ZNF787: variants seen among roughly 807,000 people sequenced by gnomAD.
The protein encoded by ZNF787 is TTF-I-interacting peptide 20.
A neutral mutation model predicts 16.9 loss-of-function variants in ZNF787; 7 were observed. The observed-to-expected ratio is 0.42, with a 90% CI of 0.24 to 0.78. ZNF787 has a LOEUF of 0.78. Ranked by LOEUF, ZNF787 falls within the 30% of genes least tolerant of loss-of-function variation. The pLI, the probability that ZNF787 is intolerant of heterozygous loss-of-function variation, is 0.30. For synonymous variants in ZNF787, 345 were observed against 270.9 expected (o/e 1.27, Z -2.69); for missense variants, 551 against 589.3 (o/e 0.94, Z 0.67).
Position 56,087,788 on chromosome 19 carries a change from T to G in ZNF787, c.*235A>C, listed in dbSNP as rs922691576. 3.4e-6 allele frequency: 2 copies of G among 591,540 alleles called. No homozygotes were observed. Among genetic ancestry groups the G allele is most frequent in the Admixed American group, 4.8e-5 (1 of 20,932 alleles). 36.6% of individuals were successfully genotyped at this position (591,540 alleles called of 1,614,324 possible). A position where few individuals can be genotyped will look rare whatever the true frequency, so the allele number is the denominator to read the frequency against. On this transcript the variant is annotated 3_prime_UTR_variant, in exon 3 of 3. Transcript: ENST00000610935. ...CTCTCCGGCTCGCAGGCCGATAACT[T>G]AGGAAGGGCGGGCCAGGCTGAGGGG...
At chr19:56,103,310 GACCCC>G in intron 1 of ZNF787, 83 bp from the exon 2 acceptor site, 1 of 1,268,022 alleles carries the variant, frequency 7.9e-7, no homozygotes, top group Non-Finnish European at 1.1e-6. Context: ...GCAGCCTGCA[GACCCC>G]GGCGTGACAG....
intron 1 of ZNF787, among the ~76,000 whole-genome samples, chr19:56,117,714 C>T (rs375146424): frequency 2.0e-5 from 3 of 152,236 alleles, no homozygotes; most frequent in Non-Finnish European, 4.4e-5. Flanking sequence ...TTCACCTCTG[C>T]GACACCTACT....
intron 1 of ZNF787, among the ~76,000 whole-genome samples, chr19:56,116,822 CT>C (rs2030151203): frequency 6.6e-6 from 1 of 152,202 alleles, no homozygotes. Context: ...TCAACAGCAC[CT>C]CCCCCAGGAA....
chr19:56,102,618 A>C, intron 2 of ZNF787: 3 of 477,422 alleles, frequency 6.3e-6, no homozygotes, highest in South Asian at 4.3e-5. Context: ...TAAAAACCCA[A>C]ACTGACAACT....
chr19:56,117,889 A>G (rs687359), intron 1 of ZNF787, among the ~76,000 whole-genome samples: 151,410 of 152,348 alleles, frequency 0.99, 75,244 homozygotes, highest in Middle Eastern at 1. Flanking sequence ...CTGGGTCCCA[A>G]CACTATCCAC....
At chr19:56,113,626 G>A (rs1047005194) in intron 1 of ZNF787, among the ~76,000 whole-genome samples, 6 of 152,040 alleles carry the variant, frequency 3.9e-5, no homozygotes, top group Non-Finnish European at 7.3e-5. Context: ...CTATTTATGC[G>A]CCTGCCCACA....
Position 56,103,195 on chromosome 19 carries a change from C to T in ZNF787, c.23G>A (p.Trp8Ter). ...CTCAGAATCCAGCGGCCCCGGAGACCAGGCTTCTTCCCGCAGCTCCATGTC... is the reference window on the plus strand; with the variant it reads ...CTCAGAATCCAGCGGCCCCGGAGACTAGGCTTCTTCCCGCAGCTCCATGTC... MELREEA[W>*]SPGPLDSEDQ... The change falls in exon 2 of 3, where the codon TGG becomes TAG. Residue 8 changes from tryptophan to a stop codon, truncating the protein, a stop_gained. Transcript: ENST00000610935. LOFTEE classifies it high-confidence loss of function. The T allele has an allele frequency of 6.4e-7, 1 of 1,567,158 alleles. No individual in the cohort carries two copies. Among genetic ancestry groups the T allele is most frequent in the Non-Finnish European group, 8.6e-7 (1 of 1,156,356 alleles).
chr19:56,119,237 G>C (rs2030219580), intron 1 of ZNF787, among the ~76,000 whole-genome samples: 1 of 152,240 alleles, frequency 6.6e-6, no homozygotes. Context: ...CCAAGACCAT[G>C]TGTGACCTCA....
At chr19:56,096,806 C>A (rs1985891868) in intron 2 of ZNF787, among the ~76,000 whole-genome samples, 1 of 152,184 alleles carries the variant, frequency 6.6e-6, no homozygotes, top group Non-Finnish European at 1.5e-5. Flanking sequence ...CCGAGGGCAG[C>A]CAGAACTCCA....
At position 56,090,914 on chromosome 19, in the gene ZNF787, AG is replaced by A. The variant is rs530110931; in HGVS notation, c.80-1823del. Among the ~76,000 whole-genome samples, 414 of 152,358 alleles carry A rather than the reference AG, an allele frequency of 2.7e-3. 7 individuals carry two copies. Among genetic ancestry groups the A allele is most frequent in the Non-Finnish European group, 3.6e-3 (243 of 68,028 alleles). On this transcript the variant is annotated intron_variant, in intron 2 of 2. Coordinates refer to ENST00000610935, the MANE Select transcript of ZNF787 (RefSeq NM_001002836.4). The stretch of plus-strand genomic sequence containing the variant: ...GGGCCTGTGCTTCAGCAAGCCCCCC[AG>A]GTGATTCTGATGCCAGCTCCAGTGT...
intron 1 of ZNF787, chr19:56,103,540 C>T (rs1196369299): frequency 5.5e-6 from 2 of 360,736 alleles, no homozygotes; most frequent in African/African-American, 2.1e-5. Flanking sequence ...CCCCACCTCG[C>T]GCCTCCTCGC....
chr19:56,090,678 C>T (rs1411983314), intron 2 of ZNF787, among the ~76,000 whole-genome samples: 7 of 152,160 alleles, frequency 4.6e-5, no homozygotes, highest in African/African-American at 1.2e-4. Flanking sequence ...AAAAATTAGC[C>T]GGGCGTGGTG....
At chr19:56,090,257 A>G (rs1438509351) in intron 2 of ZNF787, among the ~76,000 whole-genome samples, 2 of 152,232 alleles carry the variant, frequency 1.3e-5, no homozygotes, top group African/African-American at 4.8e-5. Flanking sequence ...TCAGGTCCTC[A>G]TAAGCTGGGA....
In ZNF787 at chr19:56,118,314, G is replaced by A. The variant is rs540944227; in HGVS notation, c.-11+2858C>T. 1.7e-4 allele frequency among the ~76,000 whole-genome samples: 26 copies of A among 152,258 alleles called. No homozygotes were observed. The South Asian group carries it at 5.4e-3, about 32-fold the overall frequency. ...TGCTGGGGTTCCCCTGAACCAGCCA[G>A]CAGCCCTGCGTGTAGGAGTCCTCGT... On this transcript the variant is annotated intron_variant, in intron 1 of 2. Coordinates refer to ENST00000610935, the MANE Select transcript of ZNF787 (RefSeq NM_001002836.4).
In ZNF787 at chr19:56,101,258, G is replaced by A. The variant is rs190649219; in HGVS notation, c.79+1881C>T. Reference sequence around the variant, plus strand: ...AGGCGGGACCCCACACGGGAGTTACGCGAACGCCGGACACCAGAGCAGCTT... The same window carrying A: ...AGGCGGGACCCCACACGGGAGTTACACGAACGCCGGACACCAGAGCAGCTT... On this transcript the variant is annotated intron_variant, in intron 2 of 2. Transcript: ENST00000610935. Among the ~76,000 whole-genome samples, 115 of 152,318 alleles carry A rather than the reference G, an allele frequency of 7.5e-4. No homozygotes were observed. In the East Asian group the frequency reaches 0.011, roughly 14 times the overall value.
At chr19:56,094,575 C>T (rs776153989) in intron 2 of ZNF787, among the ~76,000 whole-genome samples, 2 of 151,606 alleles carry the variant, frequency 1.3e-5, no homozygotes, top group Non-Finnish European at 2.9e-5. Flanking sequence ...AGTCTTCATT[C>T]TGAAAGGTTT....
At chr19:56,112,631 C>T (rs1568534933) in intron 1 of ZNF787, among the ~76,000 whole-genome samples, 2 of 151,476 alleles carry the variant, frequency 1.3e-5, no homozygotes, top group Non-Finnish European at 2.9e-5. Context: ...CTCTGGCACC[C>T]ACCTGCTTTC....
chr19:56,120,663 G>A (rs2030265737), intron 1 of ZNF787, among the ~76,000 whole-genome samples: 1 of 151,870 alleles, frequency 6.6e-6, no homozygotes, highest in South Asian at 2.1e-4. Flanking sequence ...GGCTGAGACC[G>A]TGCCCTCGGG....
intron 1 of ZNF787, 142 bp downstream of exon 1, chr19:56,121,030 C>A (rs1384128291): frequency 5.1e-5 from 7 of 138,076 alleles, no homozygotes; most frequent in Non-Finnish European, 1.1e-4. Flanking sequence ...CCCACTCACG[C>A]CCCCCCAGCA....
Sources: gnomAD v4.1 joint callset for allele counts (sites outside exome capture counted in the v4.1 genomes callset) on GRCh38, gnomAD v4.1.1 for gene constraint, MANE v1.5 for transcripts, NCBI Gene and HGNC (gene_info 2026-07-23, HGNC 2026-07-21) for gene names.